The following USP40 variants were observed in gnomAD, a reference collection of about 807,000 sequenced individuals.
USP40 encodes ubiquitin carboxyl-terminal hydrolase 40.
Under a neutral mutation model 166.2 loss-of-function variants are expected in USP40, and 143 were observed. The observed-to-expected ratio is 0.86, with a 90% CI of 0.75 to 0.99. The LOEUF (loss-of-function observed/expected upper bound fraction) is 0.99, where lower values mean the gene tolerates loss of function less well. Among genes scored for constraint, USP40 ranks in the 50% least tolerant of loss-of-function variants. USP40 has a pLI of 0.00. For synonymous variants in USP40, 498 were observed against 524.0 expected (o/e 0.95, Z 0.68); for missense variants, 1,444 against 1,479.7 (o/e 0.98, Z 0.40).
At chr2:233,547,722 T>C (rs1057312475) in intron 8 of USP40, among the ~76,000 whole-genome samples, 2 of 152,198 alleles carry the variant, frequency 1.3e-5, no homozygotes, top group African/African-American at 2.4e-5. Context: ...AGAAATATTA[T>C]AAAACTTTTT....
intron 10 of USP40, among the ~76,000 whole-genome samples, chr2:233,539,606 T>C (rs867052012): frequency 6.6e-6 from 1 of 152,010 alleles, no homozygotes; most frequent in African/African-American, 2.4e-5. Context: ...ACTGACTATA[T>C]TCAACAATAT....
chr2:233,540,961 T>C (rs999415638), intron 9 of USP40, among the ~76,000 whole-genome samples, 192 bp from the exon 10 acceptor site: 1 of 152,220 alleles, frequency 6.6e-6, no homozygotes, highest in Non-Finnish European at 1.5e-5. Context: ...TTGAGAAAAC[T>C]TGGATTTTTG....
intron 4 of USP40, among the ~76,000 whole-genome samples, 168 bp downstream of exon 4, chr2:233,559,643 G>A (rs1271358190): frequency 6.6e-6 from 1 of 152,112 alleles, no homozygotes; most frequent in Non-Finnish European, 1.5e-5. Context: ...TACAGCAAGT[G>A]TCTAAAAATA....
chr2:233,478,185 A>C (rs553910604), intron 31 of USP40, among the ~76,000 whole-genome samples: 2 of 152,362 alleles, frequency 1.3e-5, no homozygotes, highest in South Asian at 2.1e-4. Context: ...CCTGGTAGGC[A>C]CGCGTCCATG....
chr2:233,477,012 G>T lies in USP40; in HGVS notation c.*380C>A. 2.9e-6 allele frequency: 1 copy of T among 339,860 alleles called. No homozygotes were observed. Among genetic ancestry groups the T allele is most frequent in the South Asian group, 2.4e-5 (1 of 42,434 alleles). The allele number at this position is 339,860 out of a possible 1,614,324, so 21.1% of individuals were successfully genotyped here. A position where few individuals can be genotyped will look rare whatever the true frequency, so the allele number is the denominator to read the frequency against. On this transcript the variant is annotated 3_prime_UTR_variant, in exon 32 of 32. Transcript: ENST00000678225. Reference sequence around the variant, plus strand: ...ATCTGAACACGGAGGAAAGTGGCTGGCCTGACCCCACACACCTCCCACAGC... The same window carrying T: ...ATCTGAACACGGAGGAAAGTGGCTGTCCTGACCCCACACACCTCCCACAGC...
At chr2:233,553,741 T>C (rs2070794295) in intron 6 of USP40, among the ~76,000 whole-genome samples, 1 of 152,240 alleles carries the variant, frequency 6.6e-6, no homozygotes, top group African/African-American at 2.4e-5. Context: ...ATGAATGTGA[T>C]GAATAAATTT....
Position 233,490,160 on chromosome 2 carries a change from C to CTT in USP40, c.3013-679_3013-678dup, listed in dbSNP as rs545796570. On this transcript the variant is annotated intron_variant, in intron 26 of 31. Transcript: ENST00000678225. Reference sequence around the variant, plus strand: ...AAGGCTGTCTGCTTTTTCTTTTCTCCTTTTTTTTTTTTTTTTTTTTTGAGA... The same window carrying CTT: ...AAGGCTGTCTGCTTTTTCTTTTCTCCTTTTTTTTTTTTTTTTTTTTTTTGAGA... 1.8e-3 allele frequency among the ~76,000 whole-genome samples: 243 copies of CTT among 131,658 alleles called. 1 individual carries two copies. Among genetic ancestry groups the CTT allele is most frequent in the Non-Finnish European group, 2.2e-3 (136 of 62,080 alleles). The allele number at this position is 131,658 out of a possible 152,430, so 86.4% of individuals were successfully genotyped here.
chr2:233,518,025 G>T (rs1358142191), intron 18 of USP40, among the ~76,000 whole-genome samples: 1 of 151,502 alleles, frequency 6.6e-6, no homozygotes, highest in Non-Finnish European at 1.5e-5. Flanking sequence ...GGGGACTTGG[G>T]GGGAAGGGTG....
intron 4 of USP40, 86 bp downstream of exon 4, chr2:233,559,725 A>C: frequency 1.1e-6 from 1 of 922,826 alleles, no homozygotes; most frequent in Non-Finnish European, 1.6e-6. Flanking sequence ...CCTAAGACAA[A>C]ATTAAAGGAA....
In USP40 at chr2:233,525,488, C is replaced by A; in HGVS notation, c.1800G>T (p.Gln600His). ...KLVPAGLHIY[Q>H]SLGGDELTLC... is the part of the protein sequence containing the mutation. ...TCATATTTATCTTACCGCCAAGTGA[C>A]TGGTAAATGTGAAGTCCTGCTGGTA... The change falls in exon 14 of 32, where the codon CAG (glutamine) becomes CAT (histidine). Residue 600 changes from glutamine to histidine, a missense_variant. Gln to His is a conservative substitution (Grantham distance 24). Coordinates refer to ENST00000678225, the MANE Select transcript of USP40 (RefSeq NM_001365479.2). 1 of 1,612,366 alleles carries A rather than the reference C, an allele frequency of 6.2e-7. No homozygotes were observed. The highest frequency in any genetic ancestry group is 8.5e-7 in the Non-Finnish European group (1 of 1,178,910).
intron 23 of USP40, among the ~76,000 whole-genome samples, chr2:233,498,063 T>G (rs2065849512): frequency 6.6e-6 from 1 of 152,174 alleles, no homozygotes. Context: ...ACCAACTAGA[T>G]TCCAACTCTC....
At chr2:233,479,369 C>T (rs1316922960) in intron 31 of USP40, among the ~76,000 whole-genome samples, 1 of 152,244 alleles carries the variant, frequency 6.6e-6, no homozygotes, top group Non-Finnish European at 1.5e-5. Flanking sequence ...TTGAGACCAT[C>T]CTGGCCAACA....
chr2:233,537,078 CTTGCTATG>C, intron 10 of USP40, among the ~76,000 whole-genome samples: 1 of 152,222 alleles, frequency 6.6e-6, no homozygotes, highest in Admixed American at 6.5e-5. Flanking sequence ...CAGATGGGGT[CTTGCTATG>C]TTGCCAGGAC....
chr2:233,519,913 C>CAGAAAACTACAGAAACTGT (rs1292826994), intron 17 of USP40, among the ~76,000 whole-genome samples: 3 of 152,068 alleles, frequency 2.0e-5, no homozygotes, highest in Non-Finnish European at 4.4e-5. Flanking sequence ...AGGACACCTA[C>CAGAAAACTACAGAAACTGT]AGAAAACTAC....
intron 11 of USP40, among the ~76,000 whole-genome samples, chr2:233,532,046 T>C (rs973924591): frequency 6.6e-6 from 1 of 152,122 alleles, no homozygotes; most frequent in Non-Finnish European, 1.5e-5. Context: ...TGCGCACACA[T>C]AGGAAATTGG....
chr2:233,527,675 C>T (rs541441655), intron 12 of USP40, 97 bp from the exon 13 acceptor site: 150 of 1,123,088 alleles, frequency 1.3e-4, no homozygotes, highest in South Asian at 2.1e-4. Context: ...ATAAAGTTCT[C>T]CATCCCACCA....
intron 21 of USP40, among the ~76,000 whole-genome samples, chr2:233,502,232 A>C (rs2066120894): frequency 6.6e-6 from 1 of 152,178 alleles, no homozygotes; most frequent in Non-Finnish European, 1.5e-5. Flanking sequence ...GAAATTAAAA[A>C]ATGTAAAGTT....
intron 9 of USP40, among the ~76,000 whole-genome samples, chr2:233,541,770 G>A (rs1287175415): frequency 2.0e-5 from 3 of 152,166 alleles, no homozygotes; most frequent in African/African-American, 7.2e-5. Context: ...GATATTATCA[G>A]TGAGTGCTAG....
At chr2:233,488,788 C>T (rs2065115646) in intron 27 of USP40, among the ~76,000 whole-genome samples, 1 of 152,254 alleles carries the variant, frequency 6.6e-6, no homozygotes, top group African/African-American at 2.4e-5. Flanking sequence ...TGCCTGAGGT[C>T]CCAGCTACAC....
Sources: gnomAD v4.1 joint callset for allele counts (sites outside exome capture counted in the v4.1 genomes callset) on GRCh38, gnomAD v4.1.1 for gene constraint, MANE v1.5 for transcripts, NCBI Gene and HGNC (gene_info 2026-07-23, HGNC 2026-07-21) for gene names.